Variants in TTC28 observed in about 807,000 individuals in gnomAD.
The protein encoded by TTC28 is tetratricopeptide repeat protein 28.
In TTC28, 61 loss-of-function variants were observed where a neutral mutation model predicts 198.0. That is an observed-to-expected ratio of 0.31 (90% confidence interval 0.25 to 0.38). The LOEUF (loss-of-function observed/expected upper bound fraction) is 0.38, where lower values mean the gene tolerates loss of function less well. TTC28 is among the 10% of genes least tolerant of loss of function. The pLI is 1.00. For missense variants in TTC28, 2,678 were observed against 3,164.0 expected (o/e 0.85, Z 3.69); for synonymous variants, 1,171 against 1,297.8 (o/e 0.90, Z 2.10).
chr22:28,122,645 T>C (rs2146942825), intron 6 of TTC28, among the ~76,000 whole-genome samples: 1 of 152,306 alleles, frequency 6.6e-6, no homozygotes, highest in South Asian at 2.1e-4. Context: ...TTTCAAAACA[T>C]AAATATAATA....
chr22:28,481,104 A>G (rs1327091961), intron 2 of TTC28, among the ~76,000 whole-genome samples: 1 of 152,224 alleles, frequency 6.6e-6, no homozygotes. Context: ...TTTGTGATAT[A>G]TTGCATTACA....
At chr22:28,467,846 C>T (rs1468891926) in intron 2 of TTC28, among the ~76,000 whole-genome samples, 1 of 152,184 alleles carries the variant, frequency 6.6e-6, no homozygotes, top group Non-Finnish European at 1.5e-5. Context: ...ACTGCAGCCT[C>T]TACCTCCGGG....
Position 28,094,114 on chromosome 22 carries a change from G to C in TTC28, c.3898C>G (p.Arg1300Gly), listed in dbSNP as rs374514204. The change falls in exon 12 of 23, where the codon CGG becomes GGG. Residue 1300 changes from arginine (R) to glycine (G), a missense_variant. Physicochemically the swap from Arg to Gly is moderately radical, Grantham distance 125 (BLOSUM62 -2). Coordinates refer to ENST00000397906, the MANE Select transcript of TTC28 (RefSeq NM_001145418.2). ...TGAGACTCCACCCCCAGGGCCTCCC[G>C]GACACTGGCAATGTGCTGCTCCAGG... ...SALEQHIASV[R>G]EALGVESHYS... 1.3e-6 allele frequency: 2 copies of C among 1,550,850 alleles called. No homozygotes were observed. Among genetic ancestry groups the C allele is most frequent in the African/African-American group, 2.7e-5 (2 of 73,000 alleles).
rs142923305 is a variant in TTC28 at position 28,617,530 on chromosome 22, G to A, written c.381+12022C>T. Among the ~76,000 whole-genome samples the A allele has an allele frequency of 2.4e-4, 37 of 152,098 alleles. No homozygotes were observed. In the East Asian group the frequency reaches 6.6e-3, roughly 27 times the overall value. ...AAAGGGGGCATATGATATGGTCTAC[G>A]AATGAAGGTACATGAATATGTACCT... On this transcript the variant is annotated intron_variant, in intron 2 of 22. Transcript: ENST00000397906.
chr22:28,101,304 A>G, intron 8 of TTC28, 24 bp from the exon 9 acceptor site: 1 of 1,523,098 alleles, frequency 6.6e-7, no homozygotes. Flanking sequence ...GAGAAATTTA[A>G]GGAAACATAG....
intron 5 of TTC28, 121 bp from the exon 6 acceptor site, chr22:28,163,720 T>C (rs1921519886): frequency 1.4e-5 from 15 of 1,110,022 alleles, no homozygotes; most frequent in Non-Finnish European, 1.9e-5. Context: ...AGTCTACAGC[T>C]CCCAGCGTGA....
chr22:28,451,994 G>A (rs2047784771), intron 2 of TTC28, among the ~76,000 whole-genome samples: 1 of 152,114 alleles, frequency 6.6e-6, no homozygotes, highest in South Asian at 2.1e-4. Context: ...TTCAGTGGTA[G>A]TGACTGTGTG....
chr22:28,364,419 G>T (rs181672318), intron 2 of TTC28, among the ~76,000 whole-genome samples: 10 of 152,210 alleles, frequency 6.6e-5, no homozygotes, highest in South Asian at 2.1e-4. Context: ...ATCTTTATCA[G>T]CAGCGTGAAA....
chr22:28,106,536 T>G (rs1310464803), intron 7 of TTC28, among the ~76,000 whole-genome samples: 2 of 152,132 alleles, frequency 1.3e-5, no homozygotes, highest in Admixed American at 6.5e-5. Flanking sequence ...TATTAAGATA[T>G]CTGTGCAAGG....
chr22:28,369,289 A>C (rs545980445), intron 2 of TTC28, among the ~76,000 whole-genome samples: 2 of 152,288 alleles, frequency 1.3e-5, no homozygotes, highest in East Asian at 3.9e-4. Context: ...ATCTACAATA[A>C]ACTCATTTTC....
Position 28,121,793 on chromosome 22 carries a change from A to G in TTC28, c.1442-13390T>C, listed in dbSNP as rs150854923. On this transcript the variant is annotated intron_variant, in intron 6 of 22. Coordinates refer to ENST00000397906, the MANE Select transcript of TTC28 (RefSeq NM_001145418.2). ...CCTTTCTTACAGCTAGGGTTAGTCAAGTGACACTACTGTGATCAATTAGAC... is the reference window on the plus strand; with the variant it reads ...CCTTTCTTACAGCTAGGGTTAGTCAGGTGACACTACTGTGATCAATTAGAC... Among the ~76,000 whole-genome samples the G allele has an allele frequency of 3.6e-3, 552 of 152,342 alleles. 3 individuals carry two copies. Among genetic ancestry groups the G allele is most frequent in the African/African-American group, 0.013 (535 of 41,586 alleles).
In TTC28 at chr22:28,215,096, C is replaced by A. The variant is rs528806847; in HGVS notation, c.934-51497G>T. Among the ~76,000 whole-genome samples, 692 of 152,060 alleles carry A rather than the reference C, an allele frequency of 4.6e-3. 2 individuals carry two copies. The highest frequency in any genetic ancestry group is 0.015 in the African/African-American group (627 of 41,454). On this transcript the variant is annotated intron_variant, in intron 5 of 22. Coordinates refer to ENST00000397906, the MANE Select transcript of TTC28 (RefSeq NM_001145418.2). ...GAACTGAACAATGAGAACACTTGCA[C>A]ACAGGGTGGGGAACATCACACACCG...
chr22:28,020,793 A>C (rs1414188092), intron 13 of TTC28, among the ~76,000 whole-genome samples: 1 of 151,722 alleles, frequency 6.6e-6, no homozygotes, highest in African/African-American at 2.4e-5. Flanking sequence ...ACACACACAC[A>C]CACACACACG....
chr22:28,555,991 C>T (rs896584029), intron 2 of TTC28, among the ~76,000 whole-genome samples: 1 of 151,742 alleles, frequency 6.6e-6, no homozygotes, highest in African/African-American at 2.4e-5. Context: ...AGATCATTTT[C>T]CTTCGCCATA....
chr22:28,302,445 T>C (rs1221303222), intron 3 of TTC28, among the ~76,000 whole-genome samples: 1 of 152,162 alleles, frequency 6.6e-6, no homozygotes, highest in Admixed American at 6.5e-5. Context: ...AAGAATGGCA[T>C]CACACTGCAG....
chr22:28,513,574 GCCTGGGGAATAGAATGATA>G (rs2048725869), intron 2 of TTC28, among the ~76,000 whole-genome samples: 1 of 152,100 alleles, frequency 6.6e-6, no homozygotes, highest in African/African-American at 2.4e-5. Flanking sequence ...CTGCACTCCA[GCCTGGGGAATAGAATGATA>G]CCTGTCTCTA....
chr22:28,647,319 G>T (rs1206455515), intron 1 of TTC28, among the ~76,000 whole-genome samples: 1 of 151,974 alleles, frequency 6.6e-6, no homozygotes, highest in Admixed American at 6.6e-5. Context: ...CTGGACATTG[G>T]CCTAGGCAAA....
intron 5 of TTC28, among the ~76,000 whole-genome samples, chr22:28,240,700 C>A (rs187992007): frequency 3.3e-5 from 5 of 152,226 alleles, no homozygotes; most frequent in Admixed American, 2.6e-4. Context: ...ACAGAAATGG[C>A]AGCTTGTGGG....
chr22:28,183,791 T>A (rs1048371584), intron 5 of TTC28, among the ~76,000 whole-genome samples: 10 of 152,324 alleles, frequency 6.6e-5, no homozygotes, highest in Middle Eastern at 3.4e-3. Flanking sequence ...CTATTTAGAA[T>A]TTCTGACAGT....
Sources: allele counts gnomAD v4.1 joint callset (sites outside exome capture counted in the v4.1 genomes callset), GRCh38; gene constraint gnomAD v4.1.1; transcripts MANE v1.5; gene names NCBI Gene and HGNC (gene_info 2026-07-23, HGNC 2026-07-21).